The following SVOPL variants were observed in gnomAD, a reference collection of about 807,000 sequenced individuals.
SVOPL encodes SVOP like.
A neutral mutation model predicts 61.0 loss-of-function variants in SVOPL; 60 were observed. The observed-to-expected ratio is 0.98, with a 90% CI of 0.80 to 1.22. The LOEUF is 1.22. Among genes scored for constraint, SVOPL ranks in the 50% most tolerant of loss-of-function variants. SVOPL has a pLI of 0.00. For synonymous variants in SVOPL, 279 were observed against 250.0 expected (o/e 1.12, Z -1.09); for missense variants, 662 against 643.9 (o/e 1.03, Z -0.30).
At chr7:138,640,772 G>A (rs1800743370) in intron 9 of SVOPL, among the ~76,000 whole-genome samples, 1 of 152,136 alleles carries the variant, frequency 6.6e-6, no homozygotes, top group Non-Finnish European at 1.5e-5. Context: ...AGAGTGGGGA[G>A]GGAAAGGGCA....
intron 4 of SVOPL, among the ~76,000 whole-genome samples, chr7:138,667,016 G>T (rs138181967): frequency 6.6e-6 from 1 of 152,108 alleles, no homozygotes; most frequent in African/African-American, 2.4e-5. Flanking sequence ...AGCCATCCTG[G>T]TGGTCTTTGG....
At chr7:138,673,096 A>G (rs1335939138) in intron 3 of SVOPL, among the ~76,000 whole-genome samples, 1 of 152,194 alleles carries the variant, frequency 6.6e-6, no homozygotes, top group Non-Finnish European at 1.5e-5. Flanking sequence ...AAGGGAATTA[A>G]AGGAGAAAAT....
chr7:138,656,693 A>G (rs1776779956), intron 6 of SVOPL, among the ~76,000 whole-genome samples, 182 bp from the exon 7 acceptor site: 1 of 152,188 alleles, frequency 6.6e-6, no homozygotes, highest in Non-Finnish European at 1.5e-5. Flanking sequence ...GAAACTGACA[A>G]TTGCTCCTGG....
rs187191068 is a variant in SVOPL, at chr7:138,686,331, G to A, written c.-34-7252C>T. 3.3e-3 allele frequency among the ~76,000 whole-genome samples: 500 copies of A among 151,406 alleles called. 6 individuals are homozygous for A. The highest frequency in any genetic ancestry group is 0.011 in the African/African-American group (451 of 41,286). ...GGCAGGAGAATCGCTTGAACCCCGG[G>A]GGGGGCGGAGGTTGCAGTTAGCCGA... On this transcript the variant is annotated intron_variant, in intron 1 of 15. Transcript: ENST00000674285.
intron 1 of SVOPL, among the ~76,000 whole-genome samples, chr7:138,685,920 G>A (rs760117934): frequency 6.6e-5 from 10 of 151,856 alleles, no homozygotes; most frequent in Non-Finnish European, 1.0e-4. Flanking sequence ...TAGAGGAAAC[G>A]TTTGGAGGTA....
chr7:138,644,224 A>G (rs1426999462), intron 9 of SVOPL, among the ~76,000 whole-genome samples: 2 of 143,956 alleles, frequency 1.4e-5, no homozygotes, highest in Non-Finnish European at 3.1e-5. Context: ...AAAAAAAAAA[A>G]AAGGAACTCT....
chr7:138,670,782 G>C (rs1003141869), intron 4 of SVOPL, among the ~76,000 whole-genome samples: 3 of 152,056 alleles, frequency 2.0e-5, no homozygotes, highest in African/African-American at 7.2e-5. Context: ...GAACCCTAGG[G>C]CAGTTACACC....
chr7:138,616,718 C>G (rs1257345992), intron 14 of SVOPL, among the ~76,000 whole-genome samples: 1 of 152,140 alleles, frequency 6.6e-6, no homozygotes, highest in African/African-American at 2.4e-5. Flanking sequence ...TTATTTTTTA[C>G]TATCATTAGT....
At chr7:138,687,228 C>CTTTTT (rs71179722) in intron 1 of SVOPL, among the ~76,000 whole-genome samples, 98 of 77,014 alleles carry the variant, frequency 1.3e-3, no homozygotes, top group Non-Finnish European at 1.4e-3. Flanking sequence ...CTTTTTTCCT[C>CTTTTT]TTTTTTTTTT....
At chr7:138,661,303 A>G (rs971679689) in intron 5 of SVOPL, 1 of 985,332 alleles carries the variant, frequency 1.0e-6, no homozygotes, top group African/African-American at 1.7e-5. Context: ...TCAAAGCTAT[A>G]CCAACATGAG....
At chr7:138,675,743 T>TTA (rs1802543941) in intron 3 of SVOPL, among the ~76,000 whole-genome samples, 1 of 152,176 alleles carries the variant, frequency 6.6e-6, no homozygotes, top group African/African-American at 2.4e-5. Context: ...CTATGTATTT[T>TTA]TACCCTCCGG....
At chr7:138,629,366 G>C (rs1800065942) in intron 10 of SVOPL, among the ~76,000 whole-genome samples, 1 of 151,838 alleles carries the variant, frequency 6.6e-6, no homozygotes, top group South Asian at 2.1e-4. Flanking sequence ...AAGTAGCTGG[G>C]ATTACAGGCA....
At chr7:138,618,438 T>A (rs1799397543) in intron 14 of SVOPL, among the ~76,000 whole-genome samples, 1 of 151,922 alleles carries the variant, frequency 6.6e-6, no homozygotes, top group South Asian at 2.1e-4. Context: ...GGCGGGCCGA[T>A]CACCTGAGGT....
chr7:138,682,613 T>C (rs10250086), intron 1 of SVOPL, among the ~76,000 whole-genome samples: 77,426 of 151,894 alleles, frequency 0.51, 22,386 homozygotes, highest in African/African-American at 0.8. Flanking sequence ...ACACATCAAA[T>C]CAAAAATGGA....
At chr7:138,684,856 C>T (rs979160465) in intron 1 of SVOPL, among the ~76,000 whole-genome samples, 2 of 152,078 alleles carry the variant, frequency 1.3e-5, no homozygotes, top group Admixed American at 6.6e-5. Context: ...AAACATAAAA[C>T]AACCCAAATG....
At position 138,595,621 on chromosome 7, in the gene SVOPL, T is replaced by C. The variant is rs147475175; in HGVS notation, c.1467+796A>G. ...CCTTAGTGTTACAGTCTGGTTTAAA[T>C]TCTAGCCTCACTACAATATTAGTGT... On this transcript the variant is annotated intron_variant, in intron 15 of 15. Coordinates refer to ENST00000674285, the MANE Select transcript of SVOPL (RefSeq NM_001139456.2). 2.3e-3 allele frequency among the ~76,000 whole-genome samples: 343 copies of C among 152,324 alleles called. 2 individuals carry two copies. Among genetic ancestry groups the C allele is most frequent in the African/African-American group, 7.8e-3 (324 of 41,586 alleles).
intron 3 of SVOPL, among the ~76,000 whole-genome samples, chr7:138,674,855 CA>C (rs34086254): frequency 0.43 from 58,099 of 134,146 alleles, 11,472 homozygotes; most frequent in Middle Eastern, 0.55. Context: ...GACTCCATCT[CA>C]AAAAAAAAAA....
intron 10 of SVOPL, 128 bp from the exon 11 acceptor site, chr7:138,628,491 C>G (rs1210332972): frequency 2.3e-6 from 2 of 864,682 alleles, no homozygotes; most frequent in Non-Finnish European, 3.6e-6. Context: ...GGCTCAGACG[C>G]CACACAGAGC....
intron 1 of SVOPL, chr7:138,689,576 A>C (rs75310994): frequency 2.3e-6 from 1 of 444,000 alleles, no homozygotes; most frequent in Non-Finnish European, 4.0e-6. Context: ...AAAAAAAAAA[A>C]GGGCCAGATG....
Sources: gnomAD v4.1 joint callset for allele counts (sites outside exome capture counted in the v4.1 genomes callset) on GRCh38, gnomAD v4.1.1 for gene constraint, MANE v1.5 for transcripts, NCBI Gene and HGNC (gene_info 2026-07-23, HGNC 2026-07-21) for gene names.